SNX7: variants seen among roughly 807,000 people sequenced by gnomAD.
SNX7 encodes sorting nexin 7.
Under a neutral mutation model 48.4 loss-of-function variants are expected in SNX7, and 35 were observed. The observed-to-expected ratio is 0.72, with a 90% CI of 0.55 to 0.96. The LOEUF (loss-of-function observed/expected upper bound fraction) is 0.96, where lower values mean the gene tolerates loss of function less well. Among genes scored for constraint, SNX7 ranks in the 40% least tolerant of loss-of-function variants. The pLI is 0.00. For synonymous variants in SNX7, 190 were observed against 190.2 expected, an observed-to-expected ratio of 1.00 and a Z score of 0.01; for missense variants, 553 against 548.9, an observed-to-expected ratio of 1.01 and a Z score of -0.07.
Position 98,691,531 on chromosome 1 carries a change from T to G in SNX7, c.475-4T>G, listed in dbSNP as rs1255091394. 6.4e-7 allele frequency: 1 copy of G among 1,570,916 alleles called. No individual in the cohort carries two copies. Among genetic ancestry groups the G allele is most frequent in the African/African-American group, 1.4e-5 (1 of 72,260 alleles). Reference sequence around the variant, plus strand: ...GAATACCTTTTTAATTTTTTTTGCCTTAGCCATTGCCAGAAAAGTTTATAG... The same window carrying G: ...GAATACCTTTTTAATTTTTTTTGCCGTAGCCATTGCCAGAAAAGTTTATAG... On this transcript the variant is annotated splice_region_variant and splice_polypyrimidine_tract_variant and intron_variant, in intron 3 of 8. Transcript: ENST00000306121.
chr1:98,738,392 A>G lies in SNX7; in HGVS notation c.1278+3A>G. On this transcript the variant is annotated splice_donor_region_variant and intron_variant, in intron 8 of 8. Transcript: ENST00000306121. ...AGAATATCCATTATTATGAACAGGTAATTAGTGTTGTTTGATATTGCTTCA... is the reference window on the plus strand; with the variant it reads ...AGAATATCCATTATTATGAACAGGTGATTAGTGTTGTTTGATATTGCTTCA... 1 of 1,611,974 alleles carries G rather than the reference A, an allele frequency of 6.2e-7. No individual in the cohort carries two copies. The highest frequency in any genetic ancestry group is 8.5e-7 in the Non-Finnish European group (1 of 1,178,806).
chr1:98,731,327 C>T (rs531064774), intron 7 of SNX7, among the ~76,000 whole-genome samples: 6 of 151,850 alleles, frequency 4.0e-5, no homozygotes, highest in African/African-American at 1.4e-4. Context: ...TGTGACTGGC[C>T]CATAGTAGAC....
chr1:98,717,911 C>G (rs2101001349), intron 7 of SNX7, among the ~76,000 whole-genome samples: 1 of 152,014 alleles, frequency 6.6e-6, no homozygotes, highest in Middle Eastern at 3.4e-3. Context: ...TTAATGTAAA[C>G]TTAGTGAGAA....
At chr1:98,733,671 C>A (rs1159437200) in intron 7 of SNX7, among the ~76,000 whole-genome samples, 2 of 152,074 alleles carry the variant, frequency 1.3e-5, no homozygotes, top group East Asian at 3.9e-4. Flanking sequence ...TATTTCTCCC[C>A]ATTAGCATGA....
At chr1:98,750,082 A>G (rs1342699648) in intron 8 of SNX7, among the ~76,000 whole-genome samples, 1 of 152,046 alleles carries the variant, frequency 6.6e-6, no homozygotes, top group African/African-American at 2.4e-5. Context: ...AAATAAATAT[A>G]TGGGAAGGTG....
intron 7 of SNX7, among the ~76,000 whole-genome samples, chr1:98,707,238 C>T (rs916448962): frequency 2.0e-5 from 3 of 152,120 alleles, no homozygotes; most frequent in Non-Finnish European, 4.4e-5. Flanking sequence ...CTAAACGGAT[C>T]TGATTAGGGT....
At chr1:98,750,507 A>G (rs926676721) in intron 8 of SNX7, among the ~76,000 whole-genome samples, 10 of 152,140 alleles carry the variant, frequency 6.6e-5, no homozygotes, top group Admixed American at 5.9e-4. Flanking sequence ...AAGATGAAAG[A>G]AAAGTCTTAG....
chr1:98,673,233 G>A (rs1649976080), intron 1 of SNX7, among the ~76,000 whole-genome samples: 1 of 152,190 alleles, frequency 6.6e-6, no homozygotes, highest in Non-Finnish European at 1.5e-5. Flanking sequence ...CTTCATCACA[G>A]TCTATGTTCC....
At chr1:98,663,333 C>T (rs1203187104) in intron 1 of SNX7, among the ~76,000 whole-genome samples, 2 of 145,230 alleles carry the variant, frequency 1.4e-5, no homozygotes, top group Non-Finnish European at 3.0e-5. Context: ...ATTCTACCAC[C>T]TCCAGCACCC....
At chr1:98,663,608 C>T (rs564024819) in intron 1 of SNX7, among the ~76,000 whole-genome samples, 19 of 152,110 alleles carry the variant, frequency 1.2e-4, no homozygotes, top group African/African-American at 4.6e-4. Context: ...CAGGTCCCGA[C>T]CAGAAGCATT....
At chr1:98,664,289 A>G (rs1185588308) in intron 1 of SNX7, among the ~76,000 whole-genome samples, 1 of 152,166 alleles carries the variant, frequency 6.6e-6, no homozygotes, top group African/African-American at 2.4e-5. Flanking sequence ...GCACTTTGGG[A>G]GGCTGAGGCT....
chr1:98,707,651 C>T (rs921782747), intron 7 of SNX7, among the ~76,000 whole-genome samples: 1 of 152,144 alleles, frequency 6.6e-6, no homozygotes, highest in Non-Finnish European at 1.5e-5. Flanking sequence ...CCACTGAAAG[C>T]AGCATTCAAA....
At chr1:98,691,937 ACTCTCTCTCT>A (rs59743636) in intron 4 of SNX7, among the ~76,000 whole-genome samples, 29 of 131,172 alleles carry the variant, frequency 2.2e-4, no homozygotes, top group African/African-American at 5.5e-4. Flanking sequence ...ACACACACAC[ACTCTCTCTCT>A]CTCTCTCTCT....
At chr1:98,663,163 A>T (rs1266086479) in intron 1 of SNX7, among the ~76,000 whole-genome samples, 1 of 149,800 alleles carries the variant, frequency 6.7e-6, no homozygotes, top group Non-Finnish European at 1.5e-5. Context: ...TTGGATAAGG[A>T]ATATTAGTCT....
intron 5 of SNX7, among the ~76,000 whole-genome samples, chr1:98,697,654 A>G (rs922300806): frequency 6.6e-6 from 1 of 152,168 alleles, no homozygotes; most frequent in African/African-American, 2.4e-5. Flanking sequence ...CTCATTACAT[A>G]TAAGGGTTTG....
chr1:98,747,978 CT>C (rs372674344), intron 8 of SNX7, among the ~76,000 whole-genome samples: 104 of 131,874 alleles, frequency 7.9e-4, no homozygotes, highest in Middle Eastern at 4.1e-3. Flanking sequence ...CAGGTTTTTA[CT>C]TTTTTTTTTT....
chr1:98,691,514 T>G, intron 3 of SNX7, 21 bp from the exon 4 acceptor site: 1 of 1,551,680 alleles, frequency 6.4e-7, no homozygotes, highest in Admixed American at 2.1e-5. Flanking sequence ...TTGAATACCT[T>G]TTTAATTTTT....
At position 98,759,397 on chromosome 1, in the gene SNX7, G is replaced by A. The variant is rs184832309; in HGVS notation, c.1279-657G>A. ...GATCATCCCCAGGCAAAATCAAATA[G>A]GCCACATTTATGTTTATGTGTTCCC... On this transcript the variant is annotated intron_variant, in intron 8 of 8. Coordinates refer to ENST00000306121, the MANE Select transcript of SNX7 (RefSeq NM_015976.5). 2.0e-5 allele frequency among the ~76,000 whole-genome samples: 3 copies of A among 151,950 alleles called. No individual in the cohort carries two copies. In the East Asian group the frequency reaches 5.8e-4, roughly 30 times the overall value.
intron 4 of SNX7, among the ~76,000 whole-genome samples, chr1:98,694,830 G>C (rs1050038220): frequency 6.6e-6 from 1 of 151,516 alleles, no homozygotes; most frequent in Non-Finnish European, 1.5e-5. Flanking sequence ...GGGTAGTCTC[G>C]ATCTCCTGAC....
Sources: allele counts gnomAD v4.1 joint callset (sites outside exome capture counted in the v4.1 genomes callset), GRCh38; gene constraint gnomAD v4.1.1; transcripts MANE v1.5; gene names NCBI Gene and HGNC (gene_info 2026-07-23, HGNC 2026-07-21).